Variants in KIF20B observed in about 807,000 individuals in gnomAD.
KIF20B encodes the protein kinesin-like protein KIF20B.
KIF20B carries 188 observed loss-of-function variants against 232.5 expected under a neutral mutation model. That is an observed-to-expected ratio of 0.81 (90% CI 0.72 to 0.91). KIF20B has a LOEUF of 0.91. Ranked by LOEUF, KIF20B falls within the 40% of genes least tolerant of loss-of-function variation. The pLI is 0.00. For missense variants in KIF20B, 2,154 were observed against 2,055.9 expected (o/e 1.05, Z -0.92); for synonymous variants, 712 against 683.0 (o/e 1.04, Z -0.66).
At chr10:89,725,320 C>A (rs540500365) in intron 15 of KIF20B, among the ~76,000 whole-genome samples, 162 bp downstream of exon 15, 2 of 152,006 alleles carry the variant, frequency 1.3e-5, no homozygotes, top group East Asian at 3.9e-4. Flanking sequence ...GTGTAAGGCA[C>A]CAAGAATTTA....
intron 22 of KIF20B, among the ~76,000 whole-genome samples, chr10:89,745,202 G>A (rs1400395496): frequency 1.3e-5 from 2 of 152,140 alleles, no homozygotes; most frequent in African/African-American, 4.8e-5. Context: ...AAAATGTTGA[G>A]TAAGTAAAAT....
intron 13 of KIF20B, among the ~76,000 whole-genome samples, chr10:89,719,921 T>C (rs1372808277): frequency 1.3e-5 from 2 of 152,202 alleles, no homozygotes; most frequent in African/African-American, 4.8e-5. Context: ...TTTATGAGTA[T>C]GTGAATACAC....
intron 24 of KIF20B, 139 bp from the exon 25 acceptor site, chr10:89,752,428 G>A: frequency 2.0e-6 from 1 of 508,816 alleles, no homozygotes; most frequent in South Asian, 3.2e-5. Context: ...TTAAACTATA[G>A]AATAGCCTCA....
Position 89,773,655 on chromosome 10 carries a change from G to A in KIF20B, c.5386-316G>A, listed in dbSNP as rs1004006235. Among the ~76,000 whole-genome samples the A allele has an allele frequency of 2.0e-5, 3 of 151,888 alleles. No individual in the cohort carries two copies. The East Asian group carries it at 5.8e-4, about 29-fold the overall frequency. On this transcript the variant is annotated intron_variant, in intron 32 of 32. Transcript: ENST00000371728. ...AAGTTATACATTTGTTGCCACGAAA[G>A]ATCATTTCTTAAAAATTATTTGAGG... is the stretch of plus-strand genomic sequence containing the variant.
intron 18 of KIF20B, 119 bp downstream of exon 18, chr10:89,729,366 T>A: frequency 1.0e-6 from 1 of 993,662 alleles, no homozygotes; most frequent in Non-Finnish European, 1.4e-6. Flanking sequence ...GTTGAATTGC[T>A]TATGCAACAT....
At chr10:89,704,537 A>G (rs184153977) in intron 1 of KIF20B, among the ~76,000 whole-genome samples, 1 of 149,774 alleles carries the variant, frequency 6.7e-6, no homozygotes, top group Non-Finnish European at 1.5e-5. Flanking sequence ...ATTGAAAACA[A>G]TTTTTCAGAT....
Position 89,738,483 on chromosome 10 carries a change from CA to C in KIF20B, c.3643del (p.Thr1215ProfsTer4). The C allele has an allele frequency of 6.2e-7, 1 of 1,605,552 alleles. No individual in the cohort carries two copies. Among genetic ancestry groups the C allele is most frequent in the African/African-American group, 1.3e-5 (1 of 74,458 alleles). On this transcript the variant is annotated frameshift_variant, in exon 20 of 33. Coordinates refer to ENST00000371728, the MANE Select transcript of KIF20B (RefSeq NM_001284259.2). LOFTEE classifies it high-confidence loss of function. ...QEHLQDSVKN[T>X]KDLNVKELKL... ...AACATCTTCAGGATTCTGTCAAAAA[CA>C]CCAAAGATTTAAATGTAAAGGAACT...
Position 89,714,999 on chromosome 10 carries a change from A to G in KIF20B, c.757A>G (p.Ile253Val), listed in dbSNP as rs964294773. 51 of 1,597,592 alleles carry G rather than the reference A, an allele frequency of 3.2e-5. No homozygotes were observed. Among genetic ancestry groups the G allele is most frequent in the Non-Finnish European group, 4.1e-5 (48 of 1,172,568 alleles). Residue 253 changes from isoleucine to valine, a missense_variant, in exon 8 of 33, where the codon ATA (isoleucine) becomes GTA (valine). By Grantham distance (29) the Ile-to-Val change is conservative. Coordinates refer to ENST00000371728, the MANE Select transcript of KIF20B (RefSeq NM_001284259.2). ...GAATATCTCAGAGTTTGAAGAATCCATAAAAGATTATGAACAAGCCAACTT... is the reference window on the plus strand; with the variant it reads ...GAATATCTCAGAGTTTGAAGAATCCGTAAAAGATTATGAACAAGCCAACTT... Reference protein sequence around the residue: ...SLNISEFEESIKDYEQANLNM... With the variant: ...SLNISEFEESVKDYEQANLNM...
In KIF20B at chr10:89,717,450, T is replaced by G. The variant is rs1222003535; in HGVS notation, c.1079T>G (p.Leu360Ter). The G allele has an allele frequency of 1.3e-6, 2 of 1,593,730 alleles. No homozygotes were observed. The highest frequency in any genetic ancestry group is 1.7e-6 in the Non-Finnish European group (2 of 1,164,490). ...CACAGCATATTCACTGTTAAAATAT[T>G]ACAGATTGAAGATTCTGAAATGTCT... ...RSHSIFTVKI[L>*]QIEDSEMSRV... The change falls in exon 10 of 33, where the codon TTA becomes TGA. Residue 360 changes from leucine to a stop codon, truncating the protein, a stop_gained. Coordinates refer to ENST00000371728, the MANE Select transcript of KIF20B (RefSeq NM_001284259.2). LOFTEE classifies it high-confidence loss of function.
rs78963463 is a variant in KIF20B, at chr10:89,737,450, A to G, written c.2609A>G (p.Asn870Ser). Residue 870 changes from asparagine (N) to serine (S), a missense_variant, in exon 20 of 33, where the codon AAC (asparagine) becomes AGC (serine). Coordinates refer to ENST00000371728, the MANE Select transcript of KIF20B (RefSeq NM_001284259.2). ...DQKKSEEVRP[N>S]IAEIEDIRVL... is the part of the protein sequence containing the mutation. ...AAGAAAAGTGAAGAAGTGCGACCGA[A>G]CATTGCAGAAATTGAAGACATCAGA... is the stretch of plus-strand genomic sequence containing the variant. The G allele has an allele frequency of 0.021, 34,270 of 1,607,134 alleles. 2,739 individuals carry two copies. In the East Asian group the frequency reaches 0.27, roughly 13 times the overall value.
At chr10:89,709,881 T>A in intron 4 of KIF20B, 46 bp from the exon 5 acceptor site, 1 of 1,511,998 alleles carries the variant, frequency 6.6e-7, no homozygotes, top group South Asian at 1.3e-5. Flanking sequence ...ACTATTAATA[T>A]TAACTTGAAT....
intron 4 of KIF20B, 74 bp downstream of exon 4, chr10:89,709,535 G>T (rs1229345446): frequency 1.1e-6 from 1 of 940,304 alleles, no homozygotes; most frequent in Non-Finnish European, 1.7e-6. Flanking sequence ...CTATATAATT[G>T]TATATAATGA....
At chr10:89,761,273 G>A (rs12570750) in intron 28 of KIF20B, among the ~76,000 whole-genome samples, 28,119 of 151,978 alleles carry the variant, frequency 0.19, 3,140 homozygotes, top group East Asian at 0.35. Context: ...ATCTAGTAAG[G>A]TAGATACATA....
At position 89,715,089 on chromosome 10, in the gene KIF20B, A is replaced by T. The variant is rs1467670043; in HGVS notation, c.847A>T (p.Ile283Phe). 1 of 1,608,644 alleles carries T rather than the reference A, an allele frequency of 6.2e-7. No individual in the cohort carries two copies. The highest frequency in any genetic ancestry group is 8.5e-7 in the Non-Finnish European group (1 of 1,176,972). ...VSFFEIYNEY[I>F]YDLFVPVSSK... Reference sequence around the variant, plus strand: ...TTTCTTTGAAATTTACAATGAATATATTTATGACTTATTTGTTCCTGTATC... The same window carrying T: ...TTTCTTTGAAATTTACAATGAATATTTTTATGACTTATTTGTTCCTGTATC... The change falls in exon 8 of 33, where the codon ATT (isoleucine) becomes TTT (phenylalanine). Residue 283 changes from isoleucine to phenylalanine, a missense_variant. Physicochemically the swap from Ile to Phe is conservative, Grantham distance 21 (BLOSUM62 0). Coordinates refer to ENST00000371728, the MANE Select transcript of KIF20B (RefSeq NM_001284259.2).
At chr10:89,754,847 T>G (rs1028144438) in intron 26 of KIF20B, among the ~76,000 whole-genome samples, 174 bp downstream of exon 26, 4 of 152,242 alleles carry the variant, frequency 2.6e-5, no homozygotes, top group African/African-American at 9.6e-5. Flanking sequence ...CTAATGTTCT[T>G]GTTTTAACTT....
chr10:89,719,956 A>G (rs1293832494), intron 13 of KIF20B, among the ~76,000 whole-genome samples: 1 of 152,226 alleles, frequency 6.6e-6, no homozygotes, highest in Non-Finnish European at 1.5e-5. Flanking sequence ...ACAATTTGAA[A>G]ATAAGATCCA....
In KIF20B at chr10:89,738,941, T is replaced by G. The variant is rs1238268112; in HGVS notation, c.3777-17T>G. On this transcript the variant is annotated splice_polypyrimidine_tract_variant and intron_variant, in intron 20 of 32. Transcript: ENST00000371728. ...TTAATGATGCATTACCATAGAAAAG[T>G]GGTTTATGTTTTTTAGATTGAAAGA... 2 of 1,604,280 alleles carry G rather than the reference T, an allele frequency of 1.2e-6. No individual in the cohort carries two copies. The highest frequency in any genetic ancestry group is 1.8e-5 in the Admixed American group (1 of 56,816).
At chr10:89,765,013 G>T (rs566683937) in intron 29 of KIF20B, among the ~76,000 whole-genome samples, 2 of 151,320 alleles carry the variant, frequency 1.3e-5, no homozygotes, top group South Asian at 2.1e-4. Flanking sequence ...TTTCTTCTAG[G>T]GTTTTTATGG....
At chr10:89,749,404 T>G (rs975484208) in intron 23 of KIF20B, among the ~76,000 whole-genome samples, 6 of 152,162 alleles carry the variant, frequency 3.9e-5, no homozygotes, top group Non-Finnish European at 7.4e-5. Flanking sequence ...AAATTTACCT[T>G]TTAAAAGTGT....
Sources: gnomAD v4.1 joint callset for allele counts (sites outside exome capture counted in the v4.1 genomes callset) on GRCh38, gnomAD v4.1.1 for gene constraint, MANE v1.5 for transcripts, NCBI Gene and HGNC (gene_info 2026-07-23, HGNC 2026-07-21) for gene names.